The following CCM2 variants were observed in gnomAD, a reference collection of about 807,000 sequenced individuals.
CCM2 encodes cerebral cavernous malformations 2 protein.
CCM2 carries 25 observed loss-of-function variants against 44.9 expected under a neutral mutation model. The ratio of observed to expected loss-of-function variants is 0.56; its 90% confidence interval spans 0.41 to 0.78. The LOEUF (loss-of-function observed/expected upper bound fraction) is 0.78. Among genes scored for constraint, CCM2 ranks in the 30% least tolerant of loss-of-function variants. The pLI is 0.00. For synonymous variants in CCM2, 219 were observed against 241.1 expected, an observed-to-expected ratio of 0.91 and a Z score of 0.85; for missense variants, 481 against 580.6, an observed-to-expected ratio of 0.83 and a Z score of 1.76.
chr7:45,065,246 G>A (rs1798717453), intron 4 of CCM2, among the ~76,000 whole-genome samples: 1 of 152,244 alleles, frequency 6.6e-6, no homozygotes, highest in Admixed American at 6.5e-5. Context: ...CAAGCTGCCC[G>A]TTAATTTCCA....
intron 4 of CCM2, chr7:45,067,542 C>T (rs1285901932): frequency 2.6e-5 from 4 of 152,200 alleles, no homozygotes; most frequent in Non-Finnish European, 5.9e-5. Flanking sequence ...ATATAAAAAT[C>T]GTTGAGCTAC....
At chr7:45,011,464 T>C (rs907814705) in intron 1 of CCM2, among the ~76,000 whole-genome samples, 42 of 152,324 alleles carry the variant, frequency 2.8e-4, no homozygotes, top group African/African-American at 9.9e-4. Context: ...CCCAAAGTGC[T>C]GGGATTATAG....
Position 45,056,811 on chromosome 7 carries a change from GTT to G in CCM2, c.205-7105_205-7104del, listed in dbSNP as rs533744133. On this transcript the variant is annotated intron_variant, in intron 2 of 9. Transcript: ENST00000258781. ...ATTGTATTCTTTGGCGCACAAAAGT[GTT>G]TAATTTTGGTGAAGTCCAGATTTGT... Among the ~76,000 whole-genome samples the G allele has an allele frequency of 3.5e-3, 540 of 152,306 alleles. 4 individuals carry two copies. The highest frequency in any genetic ancestry group is 0.012 in the African/African-American group (511 of 41,568).
At chr7:45,011,408 GCTCCTCTCGAA>G (rs1299297051) in intron 1 of CCM2, among the ~76,000 whole-genome samples, 1 of 152,020 alleles carries the variant, frequency 6.6e-6, no homozygotes, top group Admixed American at 6.6e-5. Context: ...TGTTGGCCGG[GCTCCTCTCGAA>G]CTCCTGACCT....
intron 1 of CCM2, among the ~76,000 whole-genome samples, chr7:45,001,613 G>C (rs73694250): frequency 0.01 from 1,586 of 152,298 alleles, 25 homozygotes; most frequent in African/African-American, 0.037. Flanking sequence ...CCAAGAGCGC[G>C]CTAAGGACTG....
Position 45,068,810 on chromosome 7 carries a change from G to T in CCM2, c.609+231G>T, listed in dbSNP as rs1021793721. ...TCCTGGCCCTGCCCACAGCTCCTCT[G>T]CGCATGACTGCATCCCAGGTCCTGC... On this transcript the variant is annotated intron_variant, in intron 5 of 9. Transcript: ENST00000258781. 5.3e-5 allele frequency among the ~76,000 whole-genome samples: 8 copies of T among 152,108 alleles called. No individual in the cohort carries two copies. In the South Asian group the frequency reaches 1.0e-3, roughly 20 times the overall value.
At chr7:45,036,475 T>A (rs1402556574) in intron 1 of CCM2, among the ~76,000 whole-genome samples, 1 of 152,168 alleles carries the variant, frequency 6.6e-6, no homozygotes, top group African/African-American at 2.4e-5. Flanking sequence ...TATTTACTTT[T>A]CCCGCTAATG....
At chr7:45,067,152 G>A (rs2128749139) in intron 4 of CCM2, among the ~76,000 whole-genome samples, 1 of 151,214 alleles carries the variant, frequency 6.6e-6, no homozygotes, top group East Asian at 1.9e-4. Context: ...CGCCACCTTG[G>A]CCTCCCAAAG....
chr7:45,014,472 C>T (rs936162563), intron 1 of CCM2, among the ~76,000 whole-genome samples: 1 of 152,004 alleles, frequency 6.6e-6, no homozygotes, highest in East Asian at 1.9e-4. Context: ...AAAAAGCAAA[C>T]GCATAACAAA....
intron 2 of CCM2, among the ~76,000 whole-genome samples, chr7:45,060,852 C>T (rs986264739): frequency 9.9e-5 from 15 of 152,264 alleles, no homozygotes; most frequent in African/African-American, 1.2e-4. Context: ...CTACTTTTTC[C>T]GTTAGAGCCA....
chr7:45,028,379 C>T (rs948015406), intron 1 of CCM2, among the ~76,000 whole-genome samples: 3 of 152,068 alleles, frequency 2.0e-5, no homozygotes, highest in South Asian at 2.1e-4. Context: ...CTCTGTCAGC[C>T]GGGTACAGTG....
rs35845924 is a variant in CCM2 at position 45,034,512 on chromosome 7, C to CTTTTTTT, written c.31-3724_31-3718dup. Among the ~76,000 whole-genome samples the CTTTTTTT allele has an allele frequency of 1.4e-3, 92 of 65,208 alleles. 5 individuals carry two copies. Among genetic ancestry groups the CTTTTTTT allele is most frequent in the Non-Finnish European group, 1.9e-3 (72 of 38,150 alleles). 42.8% of individuals were successfully genotyped at this position (65,208 alleles called of 152,430 possible). Reference sequence around the variant, plus strand: ...ATAAGCATGTGCCACCATGCCTGGCCTTTTTTTTTTTTTTTTTTTTTTTGA... The same window carrying CTTTTTTT: ...ATAAGCATGTGCCACCATGCCTGGCCTTTTTTTTTTTTTTTTTTTTTTTTTTTTTTGA... On this transcript the variant is annotated intron_variant, in intron 1 of 9. Coordinates refer to ENST00000258781, the MANE Select transcript of CCM2 (RefSeq NM_031443.4).
At chr7:45,034,262 A>G (rs1471016421) in intron 1 of CCM2, among the ~76,000 whole-genome samples, 1 of 150,252 alleles carries the variant, frequency 6.7e-6, no homozygotes, top group East Asian at 2.0e-4. Flanking sequence ...CCCAGGCTGG[A>G]GTGCAATGGT....
intron 2 of CCM2, among the ~76,000 whole-genome samples, chr7:45,058,000 T>C (rs879405164): frequency 1.3e-5 from 2 of 152,218 alleles, no homozygotes; most frequent in African/African-American, 2.4e-5. Context: ...CTTCTGCCTG[T>C]TTCCTGCTCC....
intron 6 of CCM2, chr7:45,071,211 C>T (rs1028003680): frequency 3.9e-5 from 6 of 152,402 alleles, no homozygotes; most frequent in Admixed American, 2.0e-4. Context: ...GATGATTTAT[C>T]GAGCTGTAAT....
rs368366686 is a variant in CCM2 at position 45,064,524 on chromosome 7, C to T, written c.350C>T (p.Ala117Val). 1.9e-6 allele frequency: 3 copies of T among 1,613,766 alleles called. No individual in the cohort carries two copies. Among genetic ancestry groups the T allele is most frequent in the African/African-American group, 2.7e-5 (2 of 74,914 alleles). The change falls in exon 4 of 10, where the codon GCG becomes GTG. Residue 117 changes from alanine to valine, a missense_variant. Coordinates refer to ENST00000258781, the MANE Select transcript of CCM2 (RefSeq NM_031443.4). ...QEHDAVLSLS[A>V]YNVKLAWRDG... ...CACGATGCTGTGCTCAGCCTGTCTGCGTACAACGTCAAGCTGGCCTGGAGG... is the reference window on the plus strand; with the variant it reads ...CACGATGCTGTGCTCAGCCTGTCTGTGTACAACGTCAAGCTGGCCTGGAGG...
intron 1 of CCM2, among the ~76,000 whole-genome samples, chr7:45,032,088 G>A (rs550962445): frequency 6.6e-6 from 1 of 152,318 alleles, no homozygotes; most frequent in South Asian, 2.1e-4. Flanking sequence ...TGCTGAATGG[G>A]TAGGAGTGGC....
intron 4 of CCM2, 177 bp from the exon 5 acceptor site, chr7:45,068,266 C>T (rs769911234): frequency 1.6e-5 from 12 of 758,692 alleles, no homozygotes; most frequent in Admixed American, 4.2e-5. Flanking sequence ...TGTTCCCACC[C>T]TTATTTAGAG....
At chr7:45,027,671 C>G in intron 1 of CCM2, 1 of 1,614,002 alleles carries the variant, frequency 6.2e-7, no homozygotes, top group Non-Finnish European at 8.5e-7. Context: ...AACATCTGGC[C>G]ATATTTTTCA....
Sources: allele counts gnomAD v4.1 joint callset (sites outside exome capture counted in the v4.1 genomes callset), GRCh38; gene constraint gnomAD v4.1.1; transcripts MANE v1.5; gene names NCBI Gene and HGNC (gene_info 2026-07-23, HGNC 2026-07-21).